The following XYLT1 variants were observed in gnomAD, a reference collection of about 807,000 sequenced individuals.
The protein encoded by XYLT1 is beta-D-xylosyltransferase 1.
A neutral mutation model predicts 91.3 loss-of-function variants in XYLT1; 36 were observed. The observed-to-expected ratio is 0.39, with a 90% CI of 0.30 to 0.52. The LOEUF is 0.52. Ranked by LOEUF, XYLT1 falls within the 20% of genes least tolerant of loss-of-function variation. The pLI is 0.68. For missense variants in XYLT1, 1,242 were observed against 1,284.5 expected, an observed-to-expected ratio of 0.97 and a Z score of 0.51; for synonymous variants, 588 against 532.0, an observed-to-expected ratio of 1.11 and a Z score of -1.45.
intron 4 of XYLT1, among the ~76,000 whole-genome samples, chr16:17,199,779 G>A (rs1353440256): frequency 2.0e-5 from 3 of 152,150 alleles, no homozygotes; most frequent in Admixed American, 6.6e-5. Context: ...GCTTAGAACT[G>A]TGAGTCCATT....
In XYLT1 at chr16:17,470,904, T is replaced by C; in HGVS notation, c.-108A>G. On this transcript the variant is annotated 5_prime_UTR_variant, in exon 1 of 12. Transcript: ENST00000261381. ...CGCCGGCTGCCGCTCGGGCTCCCGC[T>C]CGGGCCGCCGCCGCCGCCCCCCTCC... The C allele has an allele frequency of 1.5e-6, 1 of 654,082 alleles. No homozygotes were observed. Among genetic ancestry groups the C allele is most frequent in the Non-Finnish European group, 1.7e-6 (1 of 597,668 alleles). 40.5% of individuals were successfully genotyped at this position (654,082 alleles called of 1,614,324 possible).
intron 1 of XYLT1, among the ~76,000 whole-genome samples, chr16:17,409,699 G>A (rs922998167): frequency 6.6e-6 from 1 of 151,712 alleles, no homozygotes; most frequent in Admixed American, 6.6e-5. Context: ...ACAGGTGCCC[G>A]CCACCACGTC....
At position 17,432,829 on chromosome 16, in the gene XYLT1, C is replaced by T. The variant is rs1278409230; in HGVS notation, c.363+37605G>A. Among the ~76,000 whole-genome samples the T allele has an allele frequency of 4.6e-5, 7 of 151,984 alleles. No homozygotes were observed. The South Asian group carries it at 8.3e-4, about 18-fold the overall frequency. ...CTAGAGGAGGCTAAAGCAAGTCTTCCGACCCAAGCAGATACGCTGGAGATG... is the reference window on the plus strand; with the variant it reads ...CTAGAGGAGGCTAAAGCAAGTCTTCTGACCCAAGCAGATACGCTGGAGATG... On this transcript the variant is annotated intron_variant, in intron 1 of 11. Transcript: ENST00000261381.
chr16:17,301,745 T>G (rs533658672), intron 2 of XYLT1, among the ~76,000 whole-genome samples: 1 of 152,224 alleles, frequency 6.6e-6, no homozygotes, highest in African/African-American at 2.4e-5. Flanking sequence ...TAATATCAAC[T>G]CTCACTTCTT....
intron 2 of XYLT1, among the ~76,000 whole-genome samples, chr16:17,334,096 C>A (rs2034943040): frequency 6.6e-6 from 1 of 152,158 alleles, no homozygotes; most frequent in African/African-American, 2.4e-5. Context: ...TGACAAGGCA[C>A]CATCTCGGAA....
intron 5 of XYLT1, among the ~76,000 whole-genome samples, chr16:17,174,081 A>T (rs945300449): frequency 6.6e-6 from 1 of 152,118 alleles, no homozygotes; most frequent in Non-Finnish European, 1.5e-5. Context: ...TAGAGACCAA[A>T]CCAAGACCAA....
At chr16:17,285,872 CTCTGTGTG>C (rs2034128003) in intron 2 of XYLT1, among the ~76,000 whole-genome samples, 1 of 112,238 alleles carries the variant, frequency 8.9e-6, no homozygotes, top group Non-Finnish European at 1.9e-5. Flanking sequence ...CCTGGTGTAT[CTCTGTGTG>C]TGTGTGTGTG....
intron 1 of XYLT1, among the ~76,000 whole-genome samples, chr16:17,436,131 C>T (rs2036456299): frequency 6.6e-6 from 1 of 152,220 alleles, no homozygotes; most frequent in African/African-American, 2.4e-5. Flanking sequence ...TCAAGTAAGA[C>T]ATGACTTTGC....
chr16:17,426,308 C>A (rs536599395), intron 1 of XYLT1, among the ~76,000 whole-genome samples: 2 of 152,072 alleles, frequency 1.3e-5, no homozygotes, highest in African/African-American at 4.8e-5. Context: ...ACCTGTAATC[C>A]CACCACTTTG....
chr16:17,115,144 G>A (rs1181633171), intron 11 of XYLT1, among the ~76,000 whole-genome samples: 2 of 151,758 alleles, frequency 1.3e-5, no homozygotes, highest in Non-Finnish European at 2.9e-5. Context: ...CACCCGGCTG[G>A]GCACATACAA....
chr16:17,319,783 C>A (rs1454505039), intron 2 of XYLT1, among the ~76,000 whole-genome samples: 2 of 152,158 alleles, frequency 1.3e-5, no homozygotes, highest in Admixed American at 1.3e-4. Flanking sequence ...AATTTGAATT[C>A]CAGCTCTGAC....
chr16:17,270,938 G>C (rs1323335074), intron 2 of XYLT1, among the ~76,000 whole-genome samples: 1 of 152,206 alleles, frequency 6.6e-6, no homozygotes, highest in Admixed American at 6.5e-5. Context: ...GCTGAGCCAG[G>C]CTTGCCCAAG....
At chr16:17,151,089 C>T (rs371886444) in intron 6 of XYLT1, among the ~76,000 whole-genome samples, 1 of 152,204 alleles carries the variant, frequency 6.6e-6, no homozygotes, top group East Asian at 1.9e-4. Flanking sequence ...GGAAACTCCG[C>T]AGTCAGCACC....
chr16:17,240,538 C>G (rs2033329601), intron 3 of XYLT1, among the ~76,000 whole-genome samples: 1 of 152,072 alleles, frequency 6.6e-6, no homozygotes, highest in Non-Finnish European at 1.5e-5. Flanking sequence ...GCAGAAGAGA[C>G]AGAGAGAGAA....
chr16:17,277,177 T>C (rs2045497), intron 2 of XYLT1, among the ~76,000 whole-genome samples: 410 of 152,234 alleles, frequency 2.7e-3, no homozygotes, highest in African/African-American at 9.0e-3. Flanking sequence ...ATGTTGGGCA[T>C]CTGTTATCTA....
chr16:17,429,653 A>T (rs902087177), intron 1 of XYLT1, among the ~76,000 whole-genome samples: 1 of 152,220 alleles, frequency 6.6e-6, no homozygotes, highest in African/African-American at 2.4e-5. Context: ...TCAGTAAAGT[A>T]CATGGCCCTT....
intron 7 of XYLT1, among the ~76,000 whole-genome samples, chr16:17,139,289 G>T (rs139980713): frequency 2.0e-5 from 3 of 151,582 alleles, no homozygotes; most frequent in Non-Finnish European, 4.4e-5. Context: ...GTGTCTGCCC[G>T]TTACAAGTTA....
Position 17,257,513 on chromosome 16 carries a change from T to C in XYLT1, c.913+1475A>G, listed in dbSNP as rs555502436. 1.6e-4 allele frequency among the ~76,000 whole-genome samples: 24 copies of C among 152,028 alleles called. 1 individual carries two copies. The highest frequency in any genetic ancestry group is 6.8e-3 in the Middle Eastern group (2 of 294). On this transcript the variant is annotated intron_variant, in intron 3 of 11. Coordinates refer to ENST00000261381, the MANE Select transcript of XYLT1 (RefSeq NM_022166.4). Reference sequence around the variant, plus strand: ...AGAATATCTTCTCCAAGGAAAAAAGTAAAATTTAAGAGTGCTCCCAGAGGC... The same window carrying C: ...AGAATATCTTCTCCAAGGAAAAAAGCAAAATTTAAGAGTGCTCCCAGAGGC...
At chr16:17,235,630 G>C (rs2033236073) in intron 3 of XYLT1, among the ~76,000 whole-genome samples, 1 of 152,166 alleles carries the variant, frequency 6.6e-6, no homozygotes, top group African/African-American at 2.4e-5. Flanking sequence ...ACTGAGTGGG[G>C]AATTATGACA....
Sources: gnomAD v4.1 joint callset for allele counts (sites outside exome capture counted in the v4.1 genomes callset) on GRCh38, gnomAD v4.1.1 for gene constraint, MANE v1.5 for transcripts, NCBI Gene and HGNC (gene_info 2026-07-23, HGNC 2026-07-21) for gene names.